Variants in MDFIC2 observed in about 807,000 individuals in gnomAD.
MDFIC2 encodes the protein MyoD family inhibitor domain containing 2.
At position 70,275,550 on chromosome 3, in the gene MDFIC2, A is replaced by C. The variant is rs1008775427; in HGVS notation, c.88+36336T>G. ...AAACAAAACAAATCAAATCAAAAAA[A>C]CAAAGGAATTCAGTCCTTGGGACTG... On this transcript the variant is annotated intron_variant, in intron 2 of 3. Coordinates refer to ENST00000567252, the MANE Select transcript of MDFIC2 (RefSeq NM_001364677.1). Among the ~76,000 whole-genome samples the C allele has an allele frequency of 1.8e-4, 27 of 152,228 alleles. No homozygotes were observed. The South Asian group carries it at 4.6e-3, about 26-fold the overall frequency.
At chr3:70,200,407 ACAGCACTC>A (rs1452115908) in intron 3 of MDFIC2, among the ~76,000 whole-genome samples, 2 of 152,080 alleles carry the variant, frequency 1.3e-5, no homozygotes, top group African/African-American at 4.8e-5. Context: ...CTTCACACTC[ACAGCACTC>A]CAGCCACACT....
intron 2 of MDFIC2, among the ~76,000 whole-genome samples, chr3:70,301,749 T>C (rs539298800): frequency 1.3e-5 from 2 of 152,236 alleles, no homozygotes; most frequent in Admixed American, 1.3e-4. Context: ...GATTTATTTA[T>C]ATAAACTTTT....
Position 70,226,689 on chromosome 3 carries a change from T to C in MDFIC2, c.89-19899A>G, listed in dbSNP as rs939554978. Among the ~76,000 whole-genome samples, 9 of 146,644 alleles carry C rather than the reference T, an allele frequency of 6.1e-5. No individual in the cohort carries two copies. The East Asian group carries it at 1.8e-3, about 30-fold the overall frequency. ...GGAAGCGGAGGTTGCAGTGAGCCGA[T>C]ATCGTGCCACTCCACTCCAGCCTGG... On this transcript the variant is annotated intron_variant, in intron 2 of 3. Transcript: ENST00000567252.
intron 2 of MDFIC2, among the ~76,000 whole-genome samples, chr3:70,252,072 T>A (rs80025380): frequency 6.6e-6 from 1 of 152,112 alleles, no homozygotes; most frequent in Admixed American, 6.5e-5. Flanking sequence ...TATTATTAAG[T>A]CTTTCAATTC....
At chr3:70,276,294 A>G (rs1259501392) in intron 2 of MDFIC2, among the ~76,000 whole-genome samples, 3 of 152,180 alleles carry the variant, frequency 2.0e-5, no homozygotes, top group African/African-American at 7.2e-5. Flanking sequence ...AATTTTATAT[A>G]CTGTCATTTT....
In MDFIC2 at chr3:70,288,037, G is replaced by GT. The variant is rs577390247; in HGVS notation, c.88+23848dup. ...CCTGGATTCATTAATTTTTTGAAGGGTTTTTTGTGTCTCTATTTCCTTCAG... is the reference window on the plus strand; with the variant it reads ...CCTGGATTCATTAATTTTTTGAAGGGTTTTTTTGTGTCTCTATTTCCTTCAG... On this transcript the variant is annotated intron_variant, in intron 2 of 3. Transcript: ENST00000567252. Among the ~76,000 whole-genome samples, 314 of 151,314 alleles carry GT rather than the reference G, an allele frequency of 2.1e-3. 3 individuals are homozygous for GT. The highest frequency in any genetic ancestry group is 6.8e-3 in the Middle Eastern group (2 of 294).
In MDFIC2 at chr3:70,197,009, C is replaced by T. The variant is rs1701187966; in HGVS notation, c.487G>A (p.Asp163Asn). The change falls in exon 4 of 4, where the codon GAC (aspartate) becomes AAC (asparagine). Residue 163 changes from aspartate (D) to asparagine (N), a missense_variant. Transcript: ENST00000567252. ...RNDCSCNCDM[D>N]CSLFESCHET... ...TGGCAAGATTCAAAAAGGCTGCAGTCCATGTCACAATTGCAGCTGCAATCA... is the reference window on the plus strand; with the variant it reads ...TGGCAAGATTCAAAAAGGCTGCAGTTCATGTCACAATTGCAGCTGCAATCA... The T allele has an allele frequency of 2.5e-6, 1 of 398,616 alleles. No individual in the cohort carries two copies. Among genetic ancestry groups the T allele is most frequent in the East Asian group, 3.6e-5 (1 of 28,078 alleles). 24.7% of individuals were successfully genotyped at this position (398,616 alleles called of 1,614,324 possible). A position where few individuals can be genotyped will look rare whatever the true frequency, so the allele number is the denominator to read the frequency against.
At chr3:70,245,802 G>T (rs1419237956) in intron 2 of MDFIC2, among the ~76,000 whole-genome samples, 3 of 148,132 alleles carry the variant, frequency 2.0e-5, no homozygotes, top group African/African-American at 7.4e-5. Context: ...TTTAAAATGT[G>T]CTCTTCCTGT....
At chr3:70,207,806 A>G (rs1701306237) in intron 2 of MDFIC2, among the ~76,000 whole-genome samples, 1 of 152,062 alleles carries the variant, frequency 6.6e-6, no homozygotes, top group Admixed American at 6.6e-5. Context: ...ATTTTATATT[A>G]GAGACCTGAG....
In MDFIC2 at chr3:70,206,208, C is replaced by T. The variant is rs141168920; in HGVS notation, c.310+361G>A. The stretch of plus-strand genomic sequence containing the variant: ...TTTCCGGCATTTTAATACTATTTCT[C>T]TCTGCCTTCTTTTCTCTGACTAGAG... On this transcript the variant is annotated intron_variant, in intron 3 of 3. Transcript: ENST00000567252. 3.4e-3 allele frequency among the ~76,000 whole-genome samples: 511 copies of T among 152,062 alleles called. 1 individual carries two copies. Among genetic ancestry groups the T allele is most frequent in the African/African-American group, 0.012 (487 of 41,510 alleles).
At position 70,206,809 on chromosome 3, in the gene MDFIC2, A is replaced by G; in HGVS notation, c.89-19T>C. ...TGCGTATCTAGAGGAAAAAAGAAAA[A>G]ACACATACAGAAACCCACTATGGTT... is the stretch of plus-strand genomic sequence containing the variant. On this transcript the variant is annotated intron_variant, in intron 2 of 3. Transcript: ENST00000567252. 2.5e-6 allele frequency: 1 copy of G among 397,368 alleles called. No individual in the cohort carries two copies. Among genetic ancestry groups the G allele is most frequent in the Non-Finnish European group, 4.4e-6 (1 of 225,214 alleles). 24.6% of individuals were successfully genotyped at this position (397,368 alleles called of 1,614,324 possible).
At chr3:70,249,338 A>T (rs894385628) in intron 2 of MDFIC2, 2 of 152,164 alleles carry the variant, frequency 1.3e-5, no homozygotes, top group Non-Finnish European at 2.9e-5. Context: ...GAGCTACCTC[A>T]GGCTTCAGTG....
In MDFIC2 at chr3:70,207,281, A is replaced by G. The variant is rs1056313021; in HGVS notation, c.89-491T>C. Among the ~76,000 whole-genome samples the G allele has an allele frequency of 2.6e-5, 4 of 152,104 alleles. No homozygotes were observed. The South Asian group carries it at 8.3e-4, about 31-fold the overall frequency. On this transcript the variant is annotated intron_variant, in intron 2 of 3. Transcript: ENST00000567252. ...TAAAAAGAAAAATGCATATAAATGA[A>G]TAGTCTATAAGCTCATTCCTGCTTC...
rs139219867 is a variant in MDFIC2 at position 70,234,011 on chromosome 3, G to C, written c.89-27221C>G. On this transcript the variant is annotated intron_variant, in intron 2 of 3. Transcript: ENST00000567252. ...TAAAACTCTAGGAGTAAAATGCTGA[G>C]TCATGTGATAGGTGTGTGCCTTGCC... Among the ~76,000 whole-genome samples, 985 of 152,268 alleles carry C rather than the reference G, an allele frequency of 6.5e-3. 6 individuals are homozygous for C. Among genetic ancestry groups the C allele is most frequent in the African/African-American group, 0.023 (938 of 41,548 alleles).
At chr3:70,202,131 C>T (rs1220668637) in intron 3 of MDFIC2, among the ~76,000 whole-genome samples, 1 of 152,088 alleles carries the variant, frequency 6.6e-6, no homozygotes, top group African/African-American at 2.4e-5. Flanking sequence ...AGTGGTCTAT[C>T]TGATAGTGAT....
At chr3:70,210,212 T>TGTAAGTGG (rs1473359436) in intron 2 of MDFIC2, among the ~76,000 whole-genome samples, 2 of 152,150 alleles carry the variant, frequency 1.3e-5, no homozygotes, top group African/African-American at 4.8e-5. Flanking sequence ...GCATTTTGAA[T>TGTAAGTGG]GTAAGTGGTG....
At chr3:70,285,947 T>C (rs556748210) in intron 2 of MDFIC2, among the ~76,000 whole-genome samples, 1 of 151,654 alleles carries the variant, frequency 6.6e-6, no homozygotes, top group African/African-American at 2.4e-5. Context: ...CATTGTAGAT[T>C]CTGGATATTA....
At chr3:70,210,830 GCAAGAA>G (rs1701336275) in intron 2 of MDFIC2, among the ~76,000 whole-genome samples, 2 of 151,990 alleles carry the variant, frequency 1.3e-5, no homozygotes, top group Admixed American at 1.3e-4. Context: ...ACAGGTAATT[GCAAGAA>G]CAAATGGACA....
At chr3:70,236,356 ACTT>A (rs1177293926) in intron 2 of MDFIC2, among the ~76,000 whole-genome samples, 2 of 152,128 alleles carry the variant, frequency 1.3e-5, no homozygotes, top group Non-Finnish European at 2.9e-5. Flanking sequence ...ATATATATTC[ACTT>A]CTTGTATATT....
Sources: allele counts gnomAD v4.1 joint callset (sites outside exome capture counted in the v4.1 genomes callset), GRCh38; gene constraint gnomAD v4.1.1; transcripts MANE v1.5; gene names NCBI Gene and HGNC (gene_info 2026-07-23, HGNC 2026-07-21).